The following DYTN variants were observed in gnomAD, a reference collection of about 807,000 sequenced individuals.
DYTN encodes dystrotelin.
In DYTN, 75 loss-of-function variants were observed where a neutral mutation model predicts 69.6. The observed-to-expected ratio is 1.08, with a 90% CI of 0.89 to 1.31. DYTN has a LOEUF of 1.31. Among genes scored for constraint, DYTN ranks in the 50% most tolerant of loss-of-function variants. DYTN has a pLI of 0.00. For missense variants in DYTN, 726 were observed against 688.4 expected (o/e 1.05, Z -0.61); for synonymous variants, 252 against 249.1 (o/e 1.01, Z -0.11).
Position 206,699,804 on chromosome 2 carries a change from G to A in DYTN, c.642C>T (p.His214=). The change falls in exon 7 of 12, where the codon CAC becomes CAT. Residue 214 remains histidine, a synonymous_variant. Coordinates refer to ENST00000452335, the MANE Select transcript of DYTN (RefSeq NM_001093730.1). ...PPILLWLPTC[H]RLSAAERVTH... ...TGACCCTTTCAGCAGCTGATAACCG[G>A]TGGCAGGTCGGGAGCCACAGGAGGA... is the stretch of plus-strand genomic sequence containing the variant. The A allele has an allele frequency of 2.5e-6, 4 of 1,613,898 alleles. No homozygotes were observed. Among genetic ancestry groups the A allele is most frequent in the Non-Finnish European group, 2.5e-6 (3 of 1,179,850 alleles).
Position 206,653,772 on chromosome 2 carries a change from C to T in DYTN, c.1634-1851G>A, listed in dbSNP as rs570054227. ...CTGTGATGTCTTCATTTGGATGTCTCTCAGGCAATTCACAATACATTCAAA... is the reference window on the plus strand; with the variant it reads ...CTGTGATGTCTTCATTTGGATGTCTTTCAGGCAATTCACAATACATTCAAA... On this transcript the variant is annotated intron_variant, in intron 11 of 11. Transcript: ENST00000452335. Among the ~76,000 whole-genome samples the T allele has an allele frequency of 1.8e-4, 27 of 152,284 alleles. No individual in the cohort carries two copies. The South Asian group carries it at 5.4e-3, about 30-fold the overall frequency.
intron 4 of DYTN, 76 bp downstream of exon 4, chr2:206,705,712 G>A: frequency 7.5e-7 from 1 of 1,324,834 alleles, no homozygotes; most frequent in Non-Finnish European, 1.1e-6. Context: ...AGGCCTTGTG[G>A]CAGGGATATA....
At chr2:206,656,920 G>T (rs1451110734) in intron 11 of DYTN, among the ~76,000 whole-genome samples, 2 of 151,828 alleles carry the variant, frequency 1.3e-5, no homozygotes, top group African/African-American at 4.8e-5. Context: ...ATGCCACCAC[G>T]TCCGGCTAAT....
intron 9 of DYTN, 102 bp from the exon 10 acceptor site, chr2:206,666,131 G>T: frequency 7.0e-7 from 1 of 1,429,942 alleles, no homozygotes; most frequent in Non-Finnish European, 9.4e-7. Context: ...GGGAAAAGAT[G>T]CTGGAAAACC....
At chr2:206,680,290 G>A (rs996662967) in intron 9 of DYTN, among the ~76,000 whole-genome samples, 4 of 152,080 alleles carry the variant, frequency 2.6e-5, no homozygotes, top group Non-Finnish European at 5.9e-5. Flanking sequence ...TATGAGAAGA[G>A]CATGGGAAAA....
chr2:206,694,589 A>G (rs1699899715), intron 8 of DYTN, among the ~76,000 whole-genome samples, 177 bp downstream of exon 8: 1 of 152,234 alleles, frequency 6.6e-6, no homozygotes, highest in Non-Finnish European at 1.5e-5. Context: ...CAATGTGAAG[A>G]AATCATACTT....
chr2:206,702,390 G>A (rs1158747863), intron 5 of DYTN, among the ~76,000 whole-genome samples: 1 of 152,198 alleles, frequency 6.6e-6, no homozygotes, highest in East Asian at 1.9e-4. Context: ...TCGAATAAAC[G>A]TTCTTCTAAT....
chr2:206,706,539 G>T (rs969865150), intron 3 of DYTN, among the ~76,000 whole-genome samples: 1 of 151,262 alleles, frequency 6.6e-6, no homozygotes, highest in South Asian at 2.1e-4. Context: ...TAAGGAATTT[G>T]CCCAGTGGTT....
intron 11 of DYTN, among the ~76,000 whole-genome samples, chr2:206,655,491 C>T (rs555373837): frequency 6.6e-6 from 1 of 152,068 alleles, no homozygotes; most frequent in African/African-American, 2.4e-5. Context: ...CTCACCGAAG[C>T]CTTGATCTTC....
chr2:206,715,898 G>A (rs1346400145), intron 1 of DYTN, among the ~76,000 whole-genome samples: 1 of 152,050 alleles, frequency 6.6e-6, no homozygotes, highest in African/African-American at 2.4e-5. Flanking sequence ...GACCATCCTG[G>A]CCAACATGGT....
In DYTN at chr2:206,700,194, C is replaced by T. The variant is rs1475279165; in HGVS notation, c.506G>A (p.Ser169Asn). ...ACTTTCCACAGGGCACAGAGCACGA[C>T]TCTCTCCCACGAAAGTTGGGATCTG... is the stretch of plus-strand genomic sequence containing the variant. ...LQQIPTFVGE[S>N]RALCPVESAT... Residue 169 changes from serine to asparagine, a missense_variant, in exon 6 of 12, where the codon AGT becomes AAT. By Grantham distance (46) the Ser-to-Asn change is conservative. Coordinates refer to ENST00000452335, the MANE Select transcript of DYTN (RefSeq NM_001093730.1). 6.2e-7 allele frequency: 1 copy of T among 1,613,940 alleles called. No individual in the cohort carries two copies. The highest frequency in any genetic ancestry group is 8.5e-7 in the Non-Finnish European group (1 of 1,179,806).
At chr2:206,675,115 A>ATGTGTGTGTGTGTGTGTG (rs757679127) in intron 9 of DYTN, among the ~76,000 whole-genome samples, 5 of 131,532 alleles carry the variant, frequency 3.8e-5, no homozygotes, top group African/African-American at 1.4e-4. Flanking sequence ...ATATATATAT[A>ATGTGTGTGTGTGTGTGTG]TGTGTGTGTG....
intron 2 of DYTN, among the ~76,000 whole-genome samples, chr2:206,707,889 G>A (rs1290922867): frequency 6.6e-6 from 1 of 152,208 alleles, no homozygotes; most frequent in Non-Finnish European, 1.5e-5. Flanking sequence ...TCATTAAGTG[G>A]ATTGAATAAA....
At chr2:206,674,714 G>A (rs1335998879) in intron 9 of DYTN, among the ~76,000 whole-genome samples, 1 of 151,222 alleles carries the variant, frequency 6.6e-6, no homozygotes, top group Non-Finnish European at 1.5e-5. Context: ...CTACAAACAA[G>A]TGTAGATTTT....
chr2:206,683,738 C>T (rs185198492), intron 9 of DYTN, among the ~76,000 whole-genome samples: 6 of 152,092 alleles, frequency 3.9e-5, no homozygotes, highest in Admixed American at 2.6e-4. Context: ...TGGCAAAAAC[C>T]GCAATTACTT....
chr2:206,665,935 G>T lies in DYTN; in HGVS notation c.1075C>A (p.His359Asn), dbSNP rs901162251. 1.9e-6 allele frequency: 3 copies of T among 1,613,800 alleles called. No homozygotes were observed. Among genetic ancestry groups the T allele is most frequent in the Non-Finnish European group, 1.7e-6 (2 of 1,179,874 alleles). ...CTATCCTGGTTGGTTTTGAGTTTGT[G>T]AATCCTTGTTTCAAATCGACAAATT... is the stretch of plus-strand genomic sequence containing the variant. Reference protein sequence around the residue: ...ERICRFETRIHKLKTNQDSLW... With the variant: ...ERICRFETRINKLKTNQDSLW... The change falls in exon 10 of 12, where the codon CAC (histidine) becomes AAC (asparagine). Residue 359 changes from histidine (H) to asparagine (N), a missense_variant. Physicochemically the swap from His to Asn is moderately conservative, Grantham distance 68. Transcript: ENST00000452335.
chr2:206,694,961 C>A, intron 7 of DYTN, 84 bp from the exon 8 acceptor site: 2 of 1,001,324 alleles, frequency 2.0e-6, no homozygotes, highest in Non-Finnish European at 2.8e-6. Context: ...AGAGAATGAG[C>A]AACCCAAAAT....
chr2:206,712,563 T>C (rs1286031575), intron 1 of DYTN, among the ~76,000 whole-genome samples: 1 of 152,102 alleles, frequency 6.6e-6, no homozygotes, highest in Non-Finnish European at 1.5e-5. Context: ...AATGTATGGG[T>C]CAGGGAGGAG....
In DYTN at chr2:206,718,171, C is replaced by T. The variant is rs1022406658; in HGVS notation, c.19+90G>A. 6 of 1,374,926 alleles carry T rather than the reference C, an allele frequency of 4.4e-6. No homozygotes were observed. In the African/African-American group the frequency reaches 8.9e-5, roughly 20 times the overall value. 85.2% of individuals were successfully genotyped at this position (1,374,926 alleles called of 1,614,324 possible). On this transcript the variant is annotated intron_variant, in intron 1 of 11. Transcript: ENST00000452335. ...GCCAGAAATTTGCCAAATGTTTACT[C>T]TTCTTCAAATCAGAGGTCTGAAAAT...
Sources: allele counts gnomAD v4.1 joint callset (sites outside exome capture counted in the v4.1 genomes callset), GRCh38; gene constraint gnomAD v4.1.1; transcripts MANE v1.5; gene names NCBI Gene and HGNC (gene_info 2026-07-23, HGNC 2026-07-21).